ICAM3: variants seen among roughly 807,000 people sequenced by gnomAD.
ICAM3 encodes the protein ICAM-3.
A neutral mutation model predicts 43.6 loss-of-function variants in ICAM3; 54 were observed. The observed-to-expected ratio is 1.24, with a 90% confidence interval of 0.99 to 1.55. The LOEUF is 1.55. Ranked by LOEUF, ICAM3 falls within the 40% of genes most tolerant of loss-of-function variation. ICAM3 has a pLI of 0.00. For missense variants in ICAM3, 715 were observed against 717.9 expected (o/e 1.00, Z 0.05); for synonymous variants, 306 against 312.6 (o/e 0.98, Z 0.22).
intron 2 of ICAM3, among the ~76,000 whole-genome samples, chr19:10,337,814 G>T (rs1244776569): frequency 6.6e-6 from 1 of 152,148 alleles, no homozygotes; most frequent in East Asian, 1.9e-4. Context: ...TTTTTGTAGA[G>T]ACGGGGTGTC....
chr19:10,335,078 AG>A lies in ICAM3; in HGVS notation c.924del (p.Leu309Ter), dbSNP rs776899750. The A allele has an allele frequency of 4.3e-6, 7 of 1,612,686 alleles. No individual in the cohort carries two copies. In the East Asian group the frequency reaches 1.6e-4, roughly 36 times the overall value. ...LGGERREARE[N>X]LTVFSFLGPI... ...CGCCTCCTCTTACTAAAGACCGTCA[AG>A]TTCTCCCGGGCCTCCCGTCTCTCGC... On this transcript the variant is annotated frameshift_variant, in exon 4 of 7. Coordinates refer to ENST00000160262, the MANE Select transcript of ICAM3 (RefSeq NM_002162.5). LOFTEE classifies it high-confidence loss of function.
In ICAM3 at chr19:10,334,580, C is replaced by T. The variant is rs568800302; in HGVS notation, c.1140G>A (p.Glu380=). ...TCCTGTGCAAGAACTCGCCGTCCAC[C>T]TCGAGAGTGGCACTGCAGAAGAAGC... is the stretch of plus-strand genomic sequence containing the variant. The part of the protein sequence containing the change: ...GRSFFCSATL[E]VDGEFLHRNS... The change falls in exon 5 of 7, where the codon GAG becomes GAA. Residue 380 remains glutamate (E), a synonymous_variant. Coordinates refer to ENST00000160262, the MANE Select transcript of ICAM3 (RefSeq NM_002162.5). This position sits in a 1 kb window ranked among gnomAD's most constrained non-coding sequence, Gnocchi z 5.5. The T allele has an allele frequency of 1.2e-6, 2 of 1,613,768 alleles. No individual in the cohort carries two copies. The highest frequency in any genetic ancestry group is 2.2e-5 in the South Asian group (2 of 91,076).
At position 10,333,880 on chromosome 19, in the gene ICAM3, C is replaced by T. The variant is rs764468609; in HGVS notation, c.1621G>A (p.Glu541Lys). Residue 541 changes from glutamate (E) to lysine (K), a missense_variant, in exon 7 of 7, where the codon GAA (glutamate) becomes AAA (lysine). Transcript: ENST00000160262. The surrounding 1 kb of genome is among the most constrained non-coding windows in gnomAD (Gnocchi z 4.2). The part of the protein sequence containing the change: ...TSMQPTEAMG[E>K]EPSRAE ...CGTCACTCAGCTCTGGACGGTTCTTCCCCCATTGCTTCTGTCGGCTGCATA... is the reference window on the plus strand; with the variant it reads ...CGTCACTCAGCTCTGGACGGTTCTTTCCCCATTGCTTCTGTCGGCTGCATA... 2.5e-6 allele frequency: 4 copies of T among 1,614,164 alleles called. No homozygotes were observed. The highest frequency in any genetic ancestry group is 2.2e-5 in the South Asian group (2 of 91,088).
Position 10,334,388 on chromosome 19 carries a change from C to T in ICAM3, c.1213G>A (p.Ala405Thr), listed in dbSNP as rs767745466. The T allele has an allele frequency of 6.2e-7, 1 of 1,614,104 alleles. No homozygotes were observed. Among genetic ancestry groups the T allele is most frequent in the Non-Finnish European group, 8.5e-7 (1 of 1,180,024 alleles). ...RVLYGPKIDRATCPQHLKWKD... is the reference protein window; with the variant it reads ...RVLYGPKIDRTTCPQHLKWKD... ...CATTTCAAGTGCTGGGGGCATGTGG[C>T]TCGGTCAATTTTGGGACCATCTGTG... The change falls in exon 6 of 7, where the codon GCC becomes ACC. Residue 405 changes from alanine to threonine, a missense_variant. Coordinates refer to ENST00000160262, the MANE Select transcript of ICAM3 (RefSeq NM_002162.5). The surrounding 1 kb of genome is among the most constrained non-coding windows in gnomAD (Gnocchi z 5.5).
In ICAM3 at chr19:10,339,538, C is replaced by T. The variant is rs753529907; in HGVS notation, c.76+1G>A. ...GCCCTCCCCGGCTTGACTGGTCTCA[C>T]CTGGGGTCAGCAGACAGCAGACCAG... On this transcript the variant is annotated splice_donor_variant, in intron 1 of 6. Transcript: ENST00000160262. LOFTEE classifies it high-confidence loss of function. 7.4e-6 allele frequency: 12 copies of T among 1,613,892 alleles called. No individual in the cohort carries two copies. The highest frequency in any genetic ancestry group is 1.6e-4 in the Middle Eastern group (1 of 6,062).
At chr19:10,335,387 G>A (rs770245828) in intron 3 of ICAM3, 34 bp from the exon 4 acceptor site, 161 of 1,533,208 alleles carry the variant, frequency 1.1e-4, no homozygotes, top group Non-Finnish European at 1.4e-4. Flanking sequence ...ACAACCCCCA[G>A]GACTGTGCCT....
chr19:10,335,969 C>G lies in ICAM3; in HGVS notation c.351G>C (p.Pro117=). 5 of 1,555,870 alleles carry G rather than the reference C, an allele frequency of 3.2e-6. No individual in the cohort carries two copies. The highest frequency in any genetic ancestry group is 4.3e-6 in the Non-Finnish European group (5 of 1,155,754). ...GSSNITVYRL[P]ERVELAPLPP... ...GCAGGGGTGCCAGCTCCACACGCTC[C>G]GGGAGCCCTGAGAGAGGAGGGGAGG... is the stretch of plus-strand genomic sequence containing the variant. The change falls in exon 3 of 7, where the codon CCG becomes CCC. Residue 117 remains proline, a synonymous_variant. Transcript: ENST00000160262.
At chr19:10,335,422 C>CA in intron 3 of ICAM3, 69 bp from the exon 4 acceptor site, 6 of 1,398,456 alleles carry the variant, frequency 4.3e-6, no homozygotes, top group Non-Finnish European at 4.8e-6. Flanking sequence ...TCATCCCCCC[C>CA]AGTCAGGATA....
chr19:10,338,850 TG>T lies in ICAM3; in HGVS notation c.174del (p.Ser59AlafsTer30), dbSNP rs758137959. The T allele has an allele frequency of 5.2e-5, 84 of 1,614,044 alleles. 1 individual carries two copies. The highest frequency in any genetic ancestry group is 8.3e-5 in the Admixed American group (5 of 59,982). On this transcript the variant is annotated frameshift_variant, in exon 2 of 7. Transcript: ENST00000160262. LOFTEE classifies it high-confidence loss of function. Reference sequence around the variant, plus strand: ...GTCTCCAAGGCGATTTTCTCAGAGCTGGGACAATCAGTACTGCAGTTCACAA... The same window carrying T: ...GTCTCCAAGGCGATTTTCTCAGAGCTGGACAATCAGTACTGCAGTTCACAA... Reference protein sequence around the residue: ...SLFVNCSTDCPSSEKIALETS... With the variant: ...SLFVNCSTDCXSSEKIALETS...
At position 10,334,880 on chromosome 19, in the gene ICAM3, C is replaced by T. The variant is rs561475748; in HGVS notation, c.938-98G>A. On this transcript the variant is annotated intron_variant, in intron 4 of 6. Coordinates refer to ENST00000160262, the MANE Select transcript of ICAM3 (RefSeq NM_002162.5). The surrounding 1 kb of genome is among the most constrained non-coding windows in gnomAD (Gnocchi z 5.5). ...CCCCTTTCCTCTCGGGATATCCGGG[C>T]CACGCTTTCGGCCGTTCAAGCCTCG... The T allele has an allele frequency of 1.2e-4, 174 of 1,480,958 alleles. No homozygotes were observed. The African/African-American group carries it at 2.0e-3, about 17-fold the overall frequency. The allele number at this position is 1,480,958 out of a possible 1,614,324, so 91.7% of individuals were successfully genotyped here.
chr19:10,337,683 G>A (rs549869786), intron 2 of ICAM3, among the ~76,000 whole-genome samples: 204 of 152,308 alleles, frequency 1.3e-3, no homozygotes, highest in Non-Finnish European at 1.4e-3. Context: ...GAGTGCAGTG[G>A]TGCAATTATA....
Position 10,337,289 on chromosome 19 carries a change from C to T in ICAM3, c.344-1313G>A, listed in dbSNP as rs1414323619. Among the ~76,000 whole-genome samples the T allele has an allele frequency of 4.3e-5, 5 of 117,482 alleles. 2 individuals are homozygous for T. Among genetic ancestry groups the T allele is most frequent in the Admixed American group, 1.7e-4 (2 of 12,038 alleles). 77.1% of individuals were successfully genotyped at this position (117,482 alleles called of 152,430 possible). On this transcript the variant is annotated intron_variant, in intron 2 of 6. Coordinates refer to ENST00000160262, the MANE Select transcript of ICAM3 (RefSeq NM_002162.5). ...AAAATTAGCTGGGCGTGTTGGCATG[C>T]GCCTGTAATCCCAGCTACTCAGGAG...
At chr19:10,336,804 CAAAAAAAAAAAA>C (rs34119863) in intron 2 of ICAM3, among the ~76,000 whole-genome samples, 12 of 79,004 alleles carry the variant, frequency 1.5e-4, no homozygotes, top group African/African-American at 5.1e-5. Flanking sequence ...GACTCTATGT[CAAAAAAAAAAAA>C]AAAAAAAAAA....
In ICAM3 at chr19:10,339,042, C is replaced by G. The variant is rs763362056; in HGVS notation, c.77-94G>C. On this transcript the variant is annotated intron_variant, in intron 1 of 6. Transcript: ENST00000160262. Reference sequence around the variant, plus strand: ...CCATTTAACACCTCTCTCCTTGTGCCGAGACAGAAGGGTTCCTGCCTTCAT... The same window carrying G: ...CCATTTAACACCTCTCTCCTTGTGCGGAGACAGAAGGGTTCCTGCCTTCAT... 21 of 1,373,560 alleles carry G rather than the reference C, an allele frequency of 1.5e-5. No homozygotes were observed. In the Admixed American group the frequency reaches 3.8e-4, roughly 25 times the overall value. 85.1% of individuals were successfully genotyped at this position (1,373,560 alleles called of 1,614,324 possible).
chr19:10,334,106 A>AG lies in ICAM3; in HGVS notation c.1442-48_1442-47insC. On this transcript the variant is annotated intron_variant, in intron 6 of 6. Transcript: ENST00000160262. This position sits in a 1 kb window ranked among gnomAD's most constrained non-coding sequence, Gnocchi z 5.5. ...TCAATATGCGTCCCTTCTGTCTCCA[A>AG]CCCCCCCGCCCCCCGGCTTACCGGT... The AG allele has an allele frequency of 7.6e-6, 12 of 1,578,896 alleles. No homozygotes were observed. Among genetic ancestry groups the AG allele is most frequent in the African/African-American group, 1.4e-5 (1 of 72,792 alleles).
At position 10,335,118 on chromosome 19, in the gene ICAM3, G is replaced by A. The variant is rs759021818; in HGVS notation, c.885C>T (p.Asn295=). The stretch of plus-strand genomic sequence containing the variant: ...CCCGTCTCTCGCCCCCTAGGGTCAC[G>A]TTGCAGACGATCTCCCGGGCACCCT... ...DQEGAREIVC[N]VTLGGERREA... The change falls in exon 4 of 7, where the codon AAC becomes AAT. Residue 295 remains asparagine (N), a synonymous_variant. Transcript: ENST00000160262. 3 of 1,613,742 alleles carry A rather than the reference G, an allele frequency of 1.9e-6. No individual in the cohort carries two copies. The highest frequency in any genetic ancestry group is 1.7e-6 in the Non-Finnish European group (2 of 1,179,962).
Position 10,333,981 on chromosome 19 carries a change from A to T in ICAM3, c.1520T>A (p.Met507Lys). 6.2e-7 allele frequency: 1 copy of T among 1,614,124 alleles called. No homozygotes were observed. Among genetic ancestry groups the T allele is most frequent in the Non-Finnish European group, 8.5e-7 (1 of 1,180,028 alleles). Residue 507 changes from methionine (M) to lysine (K), a missense_variant, in exon 7 of 7, where the codon ATG (methionine) becomes AAG (lysine). Physicochemically the swap from Met to Lys is moderately conservative, Grantham distance 95. Transcript: ENST00000160262. This position sits in a 1 kb window ranked among gnomAD's most constrained non-coding sequence, Gnocchi z 4.2. ...LGVVTIVLAL[M>K]YVFREHQRSG... ...CCGTTGGTGCTCCCTGAAGACGTAC[A>T]TTAAGGCCAGTACGATAGTCACCAC...
At position 10,334,178 on chromosome 19, in the gene ICAM3, C is replaced by G; in HGVS notation, c.1423G>C (p.Val475Leu). The change falls in exon 6 of 7, where the codon GTG becomes CTG. Residue 475 changes from valine (V) to leucine (L), a missense_variant. Val to Leu is a conservative substitution (Grantham distance 32). Coordinates refer to ENST00000160262, the MANE Select transcript of ICAM3 (RefSeq NM_002162.5). This position sits in a 1 kb window ranked among gnomAD's most constrained non-coding sequence, Gnocchi z 5.5. ...AGCTCACCCTCAATGTCCATCACCA[C>G]GACCAGGGTGTATTTGCCTCGTGAG... ...SSSRGKYTLVVVMDIEAGSSH... is the reference protein window; with the variant it reads ...SSSRGKYTLVLVMDIEAGSSH... 1 of 1,614,000 alleles carries G rather than the reference C, an allele frequency of 6.2e-7. No homozygotes were observed. The highest frequency in any genetic ancestry group is 8.5e-7 in the Non-Finnish European group (1 of 1,179,954).
chr19:10,334,745 G>T lies in ICAM3; in HGVS notation c.975C>A (p.Thr325=), dbSNP rs377712620. The T allele has an allele frequency of 1.3e-4, 205 of 1,608,602 alleles. 2 individuals carry two copies. The African/African-American group carries it at 2.6e-3, about 21-fold the overall frequency. The change falls in exon 5 of 7, where the codon ACC becomes ACA. Residue 325 remains threonine (T), a synonymous_variant. Transcript: ENST00000160262. The surrounding 1 kb of genome is among the most constrained non-coding windows in gnomAD (Gnocchi z 5.5). ...CGGTCACTGTGGACCCCTCATGGGC[G>T]GTGGGCTCGCTGAGGTTCACAATGG... ...LGPIVNLSEP[T]AHEGSTVTVS... is the part of the protein sequence containing the mutation.
Sources: gnomAD v4.1 joint callset for allele counts (sites outside exome capture counted in the v4.1 genomes callset) on GRCh38, gnomAD v4.1.1 for gene constraint, Gnocchi (gnomAD v3.1) non-coding constraint, MANE v1.5 for transcripts, NCBI Gene and HGNC (gene_info 2026-07-23, HGNC 2026-07-21) for gene names.